TMEM181: variants seen among roughly 807,000 people sequenced by gnomAD.
TMEM181 encodes transmembrane protein 181.
A neutral mutation model predicts 71.9 loss-of-function variants in TMEM181; 39 were observed. The ratio of observed to expected loss-of-function variants is 0.54; its 90% CI spans 0.42 to 0.71. The LOEUF is 0.71. Ranked by LOEUF, TMEM181 falls within the 30% of genes least tolerant of loss-of-function variation. The pLI is 0.00. For synonymous variants in TMEM181, 245 were observed against 228.8 expected (o/e 1.07, Z -0.64); for missense variants, 595 against 583.0 (o/e 1.02, Z -0.21).
At chr6:158,546,528 G>A (rs1781531086) in intron 1 of TMEM181, among the ~76,000 whole-genome samples, 1 of 152,092 alleles carries the variant, frequency 6.6e-6, no homozygotes, top group South Asian at 2.1e-4. Context: ...GAAGGAGTTG[G>A]AGCTGAAACT....
At chr6:158,580,783 A>G (rs746735764) in intron 2 of TMEM181, among the ~76,000 whole-genome samples, 157 bp from the exon 3 acceptor site, 6 of 152,172 alleles carry the variant, frequency 3.9e-5, no homozygotes, top group Non-Finnish European at 5.9e-5. Flanking sequence ...TTGTGTGTTT[A>G]TATCTTCTAC....
intron 6 of TMEM181, among the ~76,000 whole-genome samples, chr6:158,604,183 C>G (rs1784815846): frequency 6.6e-6 from 1 of 152,216 alleles, no homozygotes; most frequent in Non-Finnish European, 1.5e-5. Context: ...CCCTGTCTCC[C>G]TGGACTCCCA....
chr6:158,594,018 T>G (rs1033576836), intron 6 of TMEM181, among the ~76,000 whole-genome samples: 2 of 152,098 alleles, frequency 1.3e-5, no homozygotes, highest in Non-Finnish European at 2.9e-5. Flanking sequence ...CTGAAAATCC[T>G]TTGTGCTTCA....
intron 6 of TMEM181, among the ~76,000 whole-genome samples, chr6:158,601,270 C>T (rs554380765): frequency 6.6e-6 from 1 of 152,272 alleles, no homozygotes; most frequent in Admixed American, 6.5e-5. Flanking sequence ...TATGATAGGC[C>T]AGGCATGGTA....
intron 2 of TMEM181, among the ~76,000 whole-genome samples, chr6:158,576,667 A>G (rs2128296102): frequency 6.6e-6 from 1 of 152,290 alleles, no homozygotes; most frequent in African/African-American, 2.4e-5. Flanking sequence ...TAACAACAAC[A>G]AAAACAAAAA....
chr6:158,560,528 G>A (rs1444732091), intron 1 of TMEM181, among the ~76,000 whole-genome samples: 2 of 152,294 alleles, frequency 1.3e-5, no homozygotes, highest in Admixed American at 6.5e-5. Flanking sequence ...TCACCGGGGG[G>A]CCGAGAGAAC....
At chr6:158,545,512 C>T (rs991363139) in intron 1 of TMEM181, among the ~76,000 whole-genome samples, 7 of 152,250 alleles carry the variant, frequency 4.6e-5, no homozygotes, top group African/African-American at 9.6e-5. Context: ...TGAGCAACGC[C>T]GCCCGCTTTT....
intron 6 of TMEM181, among the ~76,000 whole-genome samples, chr6:158,599,244 AGGT>A (rs1380276313): frequency 6.6e-6 from 1 of 152,192 alleles, no homozygotes; most frequent in East Asian, 1.9e-4. Context: ...ACGGAGGACA[AGGT>A]TGTGCTCAGC....
intron 1 of TMEM181, among the ~76,000 whole-genome samples, chr6:158,540,369 T>C (rs1295727404): frequency 2.0e-5 from 3 of 152,244 alleles, no homozygotes; most frequent in Non-Finnish European, 4.4e-5. Context: ...CTGTCGGGTA[T>C]ATGCCCTGCA....
At chr6:158,562,413 A>AAATTTTGGTCTTTACAAATTT (rs1300231514) in intron 1 of TMEM181, among the ~76,000 whole-genome samples, 1 of 150,752 alleles carries the variant, frequency 6.6e-6, no homozygotes, top group Non-Finnish European at 1.5e-5. Flanking sequence ...GTCTTACTTT[A>AAATTTTGGTCTTTACAAATTT]GCATTTCTCT....
chr6:158,547,708 G>GC (rs1781573996), intron 1 of TMEM181, among the ~76,000 whole-genome samples: 1 of 151,426 alleles, frequency 6.6e-6, no homozygotes, highest in African/African-American at 2.4e-5. Flanking sequence ...TAGTTGACAG[G>GC]CCCCCCAGGC....
At chr6:158,559,972 G>A (rs568439829), upstream of TMEM181, 13 of 859,172 alleles carry the variant, frequency 1.5e-5, no homozygotes, top group African/African-American at 2.0e-4. Context: ...CCCGGCACGG[G>A]GCCACGAAGG....
intron 15 of TMEM181, among the ~76,000 whole-genome samples, chr6:158,630,228 CT>C (rs1786583804): frequency 6.6e-6 from 1 of 152,134 alleles, no homozygotes; most frequent in African/African-American, 2.4e-5. Flanking sequence ...ACAAAACAGG[CT>C]TTGATCCTTT....
At chr6:158,631,482 T>C in intron 16 of TMEM181, 93 bp downstream of exon 16, 1 of 1,387,164 alleles carries the variant, frequency 7.2e-7, no homozygotes, top group South Asian at 1.2e-5. Flanking sequence ...AAAATTATTT[T>C]CAAGGTATGA....
intron 5 of TMEM181, 45 bp from the exon 6 acceptor site, chr6:158,589,627 T>G (rs1783987160): frequency 1.3e-4 from 183 of 1,457,690 alleles, no homozygotes; most frequent in Non-Finnish European, 1.6e-4. Flanking sequence ...GGCGGGAGCG[T>G]GAGTCTCGCT....
chr6:158,547,388 T>A (rs1336134532), intron 1 of TMEM181, among the ~76,000 whole-genome samples: 1 of 152,170 alleles, frequency 6.6e-6, no homozygotes, highest in Non-Finnish European at 1.5e-5. Flanking sequence ...GCTCCCCAGG[T>A]GATTCTAGCT....
chr6:158,609,846 G>T (rs1055081085), intron 10 of TMEM181: 3 of 238,238 alleles, frequency 1.3e-5, no homozygotes, highest in African/African-American at 2.3e-5. Context: ...TTGGGAACCC[G>T]GCTAGGGAGG....
intron 8 of TMEM181, 77 bp from the exon 9 acceptor site, chr6:158,608,256 C>T (rs567722940): frequency 4.6e-5 from 70 of 1,512,992 alleles, no homozygotes; most frequent in African/African-American, 4.3e-4. Flanking sequence ...GTGCTGACCC[C>T]GCAGAGGTAT....
At chr6:158,629,361 T>C (rs943042456) in intron 14 of TMEM181, among the ~76,000 whole-genome samples, 1 of 152,214 alleles carries the variant, frequency 6.6e-6, no homozygotes, top group Non-Finnish European at 1.5e-5. Context: ...TATTTCATTA[T>C]TGTGTCTAGA....
Sources: allele counts gnomAD v4.1 joint callset (sites outside exome capture counted in the v4.1 genomes callset), GRCh38; gene constraint gnomAD v4.1.1; transcripts MANE v1.5; gene names NCBI Gene and HGNC (gene_info 2026-07-23, HGNC 2026-07-21).